Variants in PARD6B observed in about 807,000 individuals in gnomAD.
PARD6B encodes the protein par-6 family cell polarity regulator beta, also known as partitioning defective 6 homolog beta.
In PARD6B, 4 loss-of-function variants were observed where a neutral mutation model predicts 10.5. The ratio of observed to expected loss-of-function variants is 0.38; its 90% CI spans 0.19 to 0.87. The LOEUF is 0.87. Among genes scored for constraint, PARD6B ranks in the 40% least tolerant of loss-of-function variants. PARD6B has a pLI of 0.41. For synonymous variants in PARD6B, 169 were observed against 170.4 expected, an observed-to-expected ratio of 0.99 and a Z score of 0.07; for missense variants, 396 against 470.6, an observed-to-expected ratio of 0.84 and a Z score of 1.47.
At position 50,750,535 on chromosome 20, in the gene PARD6B, T is replaced by C. The variant is rs781224904; in HGVS notation, c.*47T>C. ...AGAGTGAGGATGCCATGAGGACTTG[T>C]ACATTTGGCTAGTTTAAAAGCATAT... On this transcript the variant is annotated 3_prime_UTR_variant, in exon 3 of 3. Coordinates refer to ENST00000371610, the MANE Select transcript of PARD6B (RefSeq NM_032521.3). The C allele has an allele frequency of 2.5e-6, 4 of 1,570,632 alleles. No individual in the cohort carries two copies. Among genetic ancestry groups the C allele is most frequent in the Non-Finnish European group, 3.4e-6 (4 of 1,160,528 alleles).
intron 2 of PARD6B, among the ~76,000 whole-genome samples, chr20:50,738,782 A>C (rs564675888): frequency 6.6e-6 from 1 of 152,160 alleles, no homozygotes; most frequent in African/African-American, 2.4e-5. Context: ...AAAAAATTGA[A>C]ATCACTATTT....
intron 1 of PARD6B, among the ~76,000 whole-genome samples, chr20:50,735,018 C>T (rs1218112722): frequency 6.6e-6 from 1 of 152,154 alleles, no homozygotes; most frequent in African/African-American, 2.4e-5. Flanking sequence ...GGCGTGATGG[C>T]ATATGCCTGT....
Position 50,752,145 on chromosome 20 carries a change from A to C in PARD6B, c.*1657A>C. 2.0e-6 allele frequency: 2 copies of C among 985,552 alleles called. No individual in the cohort carries two copies. Among genetic ancestry groups the C allele is most frequent in the Non-Finnish European group, 2.4e-6 (2 of 829,664 alleles). 61.1% of individuals were successfully genotyped at this position (985,552 alleles called of 1,614,324 possible). A position where few individuals can be genotyped will look rare whatever the true frequency, so the allele number is the denominator to read the frequency against. On this transcript the variant is annotated 3_prime_UTR_variant, in exon 3 of 3. Coordinates refer to ENST00000371610, the MANE Select transcript of PARD6B (RefSeq NM_032521.3). ...AATTCTCTTGACTTTGGAAATATGG[A>C]AGTCTCTCCTTTAACCTATTCTTGT...
intron 1 of PARD6B, among the ~76,000 whole-genome samples, chr20:50,732,656 C>G (rs1413917296): frequency 6.6e-6 from 1 of 152,178 alleles, no homozygotes; most frequent in African/African-American, 2.4e-5. Context: ...GGAACACTTT[C>G]AGCAAGCGTT....
chr20:50,739,609 C>G (rs2087519728), intron 2 of PARD6B, among the ~76,000 whole-genome samples: 2 of 152,232 alleles, frequency 1.3e-5, no homozygotes, highest in South Asian at 4.1e-4. Flanking sequence ...AGTCCACCAA[C>G]AAAATAAACC....
Position 50,750,100 on chromosome 20 carries a change from T to A in PARD6B, c.731T>A (p.Ile244Lys). 6.2e-7 allele frequency: 1 copy of A among 1,614,218 alleles called. No individual in the cohort carries two copies. Among genetic ancestry groups the A allele is most frequent in the Non-Finnish European group, 8.5e-7 (1 of 1,180,040 alleles). ...ATTGCAAATAGCCGTAACCTCATCATAACAGTGAGACCGGCAAACCAGAGG... is the reference window on the plus strand; with the variant it reads ...ATTGCAAATAGCCGTAACCTCATCAAAACAGTGAGACCGGCAAACCAGAGG... ...MMIANSRNLI[I>K]TVRPANQRNN... Residue 244 changes from isoleucine (I) to lysine (K), a missense_variant, in exon 3 of 3, where the codon ATA becomes AAA. Ile to Lys is a moderately radical substitution (Grantham distance 102). Coordinates refer to ENST00000371610, the MANE Select transcript of PARD6B (RefSeq NM_032521.3).
intron 2 of PARD6B, among the ~76,000 whole-genome samples, chr20:50,743,903 AAAG>A (rs1231967761): frequency 2.0e-5 from 3 of 151,718 alleles, no homozygotes; most frequent in Non-Finnish European, 2.9e-5. Flanking sequence ...AAAAAAAAAA[AAAG>A]AAATTGTGGA....
intron 1 of PARD6B, among the ~76,000 whole-genome samples, chr20:50,734,782 A>G (rs11086315): frequency 0.21 from 31,239 of 151,946 alleles, 3,262 homozygotes; most frequent in African/African-American, 0.25. Flanking sequence ...AGGCCTCCCA[A>G]AGTGTTTGGA....
intron 1 of PARD6B, among the ~76,000 whole-genome samples, chr20:50,734,095 T>A (rs2087486628): frequency 6.6e-6 from 1 of 152,246 alleles, no homozygotes; most frequent in East Asian, 1.9e-4. Flanking sequence ...TCGGTCCCAC[T>A]ATTCTAGCTG....
chr20:50,732,046 C>T (rs1027531771), intron 1 of PARD6B, among the ~76,000 whole-genome samples, 194 bp downstream of exon 1: 2 of 152,208 alleles, frequency 1.3e-5, no homozygotes, highest in Admixed American at 1.3e-4. Context: ...TAGTGTCCGC[C>T]CCTGGCCCGG....
chr20:50,739,936 C>CGTGGCGGGAAGGTCGGAGGGGAAAT, intron 2 of PARD6B, among the ~76,000 whole-genome samples: 1 of 152,168 alleles, frequency 6.6e-6, no homozygotes, highest in African/African-American at 2.4e-5. Flanking sequence ...TCATTGCACT[C>CGTGGCGGGAAGGTCGGAGGGGAAAT]ACTGTGGCTG....
rs1032957532 is a variant in PARD6B at position 50,750,875 on chromosome 20, A to G, written c.*387A>G. ...CTTTAACTGTATTTTTAAAATTCTA[A>G]TGTGAAGTCTGATTCTCTCTTGTGG... On this transcript the variant is annotated 3_prime_UTR_variant, in exon 3 of 3. Coordinates refer to ENST00000371610, the MANE Select transcript of PARD6B (RefSeq NM_032521.3). 1.7e-4 allele frequency: 164 copies of G among 992,886 alleles called. No homozygotes were observed. Among genetic ancestry groups the G allele is most frequent in the Admixed American group, 2.2e-4 (4 of 17,962 alleles). The allele number at this position is 992,886 out of a possible 1,614,324, so 61.5% of individuals were successfully genotyped here. A position where few individuals can be genotyped will look rare whatever the true frequency, so the allele number is the denominator to read the frequency against.
intron 1 of PARD6B, among the ~76,000 whole-genome samples, chr20:50,737,597 A>G (rs1029609791): frequency 6.6e-6 from 1 of 152,128 alleles, no homozygotes; most frequent in Non-Finnish European, 1.5e-5. Flanking sequence ...AGTAAGGCCT[A>G]GGTACCCCAG....
At chr20:50,738,943 A>C (rs533025927) in intron 2 of PARD6B, among the ~76,000 whole-genome samples, 113 of 150,186 alleles carry the variant, frequency 7.5e-4, no homozygotes, top group Non-Finnish European at 1.4e-3. Flanking sequence ...ATGTATTTTG[A>C]GTCCTAAAAC....
chr20:50,749,819 T>C lies in PARD6B; in HGVS notation c.450T>C (p.Ile150=), dbSNP rs1466765247. 1 of 1,614,028 alleles carries C rather than the reference T, an allele frequency of 6.2e-7. No individual in the cohort carries two copies. Among genetic ancestry groups the C allele is most frequent in the African/African-American group, 1.3e-5 (1 of 74,906 alleles). ...RPVSSIIDVD[I]LPETHRRVRL... Reference sequence around the variant, plus strand: ...TGTCTTCTATTATAGACGTGGATATTCTCCCAGAAACGCATCGTAGGGTAC... The same window carrying C: ...TGTCTTCTATTATAGACGTGGATATCCTCCCAGAAACGCATCGTAGGGTAC... Residue 150 remains isoleucine (I), a synonymous_variant, in exon 3 of 3, where the codon ATT becomes ATC. Coordinates refer to ENST00000371610, the MANE Select transcript of PARD6B (RefSeq NM_032521.3).
intron 2 of PARD6B, among the ~76,000 whole-genome samples, chr20:50,748,391 C>T (rs979167379): frequency 1.3e-5 from 2 of 152,188 alleles, no homozygotes; most frequent in Non-Finnish European, 2.9e-5. Context: ...TTGCAGAATA[C>T]CAAAATTCCG....
intron 2 of PARD6B, among the ~76,000 whole-genome samples, chr20:50,742,550 G>A (rs1421454853): frequency 6.6e-6 from 1 of 151,218 alleles, no homozygotes. Flanking sequence ...GTTTTCAGTA[G>A]AGACACGGTT....
chr20:50,733,589 G>GTT (rs2087484020), intron 1 of PARD6B, among the ~76,000 whole-genome samples: 1 of 132,456 alleles, frequency 7.5e-6, no homozygotes, highest in East Asian at 3.4e-4. Context: ...ACTTGCTTGA[G>GTT]CTATAGCGTT....
intron 2 of PARD6B, among the ~76,000 whole-genome samples, chr20:50,740,765 T>C (rs1381992353): frequency 6.6e-6 from 1 of 152,134 alleles, no homozygotes; most frequent in African/African-American, 2.4e-5. Context: ...TTAATACAAA[T>C]ATGACTTTAG....
Sources: gnomAD v4.1 joint callset for allele counts (sites outside exome capture counted in the v4.1 genomes callset) on GRCh38, gnomAD v4.1.1 for gene constraint, MANE v1.5 for transcripts, NCBI Gene and HGNC (gene_info 2026-07-23, HGNC 2026-07-21) for gene names.